ZYG11A: variants seen among roughly 807,000 people sequenced by gnomAD.
The protein encoded by ZYG11A is protein zyg-11 homolog A.
In ZYG11A, 62 loss-of-function variants were observed where a neutral mutation model predicts 77.2. The observed-to-expected ratio is 0.80, with a 90% CI of 0.65 to 0.99. ZYG11A has a LOEUF of 0.99. ZYG11A is among the 50% of genes least tolerant of loss of function. ZYG11A has a pLI of 0.00. For synonymous variants in ZYG11A, 315 were observed against 324.6 expected (o/e 0.97, Z 0.32); for missense variants, 828 against 896.8 (o/e 0.92, Z 0.98).
At chr1:52,857,859 A>AG in intron 3 of ZYG11A, 110 bp downstream of exon 3, 1 of 902,752 alleles carries the variant, frequency 1.1e-6, no homozygotes, top group Non-Finnish European at 1.6e-6. Flanking sequence ...CAGATAAAAA[A>AG]ATCCTTAAAG....
At chr1:52,849,556 T>C (rs995428329) in intron 1 of ZYG11A, among the ~76,000 whole-genome samples, 1 of 151,538 alleles carries the variant, frequency 6.6e-6, no homozygotes, top group African/African-American at 2.4e-5. Flanking sequence ...TTAGTAGAGA[T>C]GGAGTTTCAC....
At chr1:52,854,968 G>A (rs982529825) in intron 2 of ZYG11A, among the ~76,000 whole-genome samples, 1 of 151,952 alleles carries the variant, frequency 6.6e-6, no homozygotes, top group African/African-American at 2.4e-5. Flanking sequence ...GGGTTTAAGC[G>A]ATTCTCCTGC....
At chr1:52,875,862 T>G (rs4578160) in intron 8 of ZYG11A, among the ~76,000 whole-genome samples, 12,338 of 150,496 alleles carry the variant, frequency 0.082, 863 homozygotes, top group African/African-American at 0.22. Context: ...ATGAAAAAGA[T>G]GAAATCAAAT....
rs1646594191 is a variant in ZYG11A, at chr1:52,894,548, ATAAAAG to A, written c.*1596_*1601del. On this transcript the variant is annotated 3_prime_UTR_variant, in exon 14 of 14. Coordinates refer to ENST00000371528, the MANE Select transcript of ZYG11A (RefSeq NM_001004339.3). ...TTTATCTGTTTAAGTTTTTCAGAAA[ATAAAAG>A]TAAATTTCTGTTAGCACATTTTAGG... 1 of 152,210 alleles carries A rather than the reference ATAAAAG, an allele frequency of 6.6e-6. No individual in the cohort carries two copies. The highest frequency in any genetic ancestry group is 6.5e-5 in the Admixed American group (1 of 15,282). 9.4% of individuals were successfully genotyped at this position (152,210 alleles called of 1,614,324 possible).
intron 10 of ZYG11A, among the ~76,000 whole-genome samples, chr1:52,879,972 G>C (rs973043227): frequency 6.6e-6 from 1 of 150,884 alleles, no homozygotes; most frequent in African/African-American, 2.4e-5. Context: ...CACCATGTTA[G>C]CCAGGATGGT....
chr1:52,856,868 T>A (rs756792259), intron 2 of ZYG11A, 130 bp from the exon 3 acceptor site: 1 of 970,208 alleles, frequency 1.0e-6, no homozygotes, highest in Non-Finnish European at 1.5e-6. Context: ...TTTAGAACAA[T>A]GCTAGCACAG....
chr1:52,854,411 T>C, intron 1 of ZYG11A, 54 bp from the exon 2 acceptor site: 2 of 1,470,564 alleles, frequency 1.4e-6, no homozygotes. Context: ...CAGTTTTATG[T>C]TGAATTGTTG....
chr1:52,843,688 CTTTTTT>C (rs71044427), intron 1 of ZYG11A, among the ~76,000 whole-genome samples: 1 of 130,516 alleles, frequency 7.7e-6, no homozygotes, highest in Admixed American at 7.8e-5. Flanking sequence ...TTCTTTCTTT[CTTTTTT>C]TTTTTTTTTT....
intron 8 of ZYG11A, 90 bp downstream of exon 8, chr1:52,867,867 G>T: frequency 3.7e-6 from 4 of 1,086,594 alleles, no homozygotes; most frequent in Middle Eastern, 2.4e-4. Flanking sequence ...ATTCCAAAAG[G>T]CCTATTAAGG....
At position 52,857,405 on chromosome 1, in the gene ZYG11A, G is replaced by A. The variant is rs779082585; in HGVS notation, c.664G>A (p.Ala222Thr). Residue 222 changes from alanine to threonine, a missense_variant, in exon 3 of 14, where the codon GCA (alanine) becomes ACA (threonine). Transcript: ENST00000371528. The part of the protein sequence containing the change: ...ISNTLVTDIS[A>T]LLTCKDRLKS... ...TAATACTCTAGTCACTGATATTTCTGCACTGCTTACCTGTAAGGATCGATT... is the reference window on the plus strand; with the variant it reads ...TAATACTCTAGTCACTGATATTTCTACACTGCTTACCTGTAAGGATCGATT... The A allele has an allele frequency of 2.6e-5, 40 of 1,551,880 alleles. No homozygotes were observed. The highest frequency in any genetic ancestry group is 3.5e-5 in the Non-Finnish European group (40 of 1,147,036).
chr1:52,874,284 C>G (rs1646223464), intron 8 of ZYG11A, among the ~76,000 whole-genome samples: 1 of 152,036 alleles, frequency 6.6e-6, no homozygotes, highest in East Asian at 1.9e-4. Flanking sequence ...TTCTCTGTTG[C>G]CCAGGCTGGA....
In ZYG11A at chr1:52,860,806, G is replaced by A. The variant is rs1404710722; in HGVS notation, c.1084G>A (p.Glu362Lys). 21 of 1,551,692 alleles carry A rather than the reference G, an allele frequency of 1.4e-5. No individual in the cohort carries two copies. The highest frequency in any genetic ancestry group is 1.7e-5 in the Non-Finnish European group (19 of 1,146,964). The change falls in exon 4 of 14, where the codon GAA becomes AAA. Residue 362 changes from glutamate (E) to lysine (K), a missense_variant. Transcript: ENST00000371528. ...CAGGAACAGATCATGTTTTGTGAAGGAAGCCCTCCACAGGCTGTTCACAGA... is the reference window on the plus strand; with the variant it reads ...CAGGAACAGATCATGTTTTGTGAAGAAAGCCCTCCACAGGCTGTTCACAGA... The part of the protein sequence containing the change: ...RYRNRSCFVK[E>K]ALHRLFTETF...
intron 1 of ZYG11A, among the ~76,000 whole-genome samples, chr1:52,844,760 C>A (rs946068980): frequency 6.6e-6 from 1 of 151,806 alleles, no homozygotes; most frequent in Non-Finnish European, 1.5e-5. Flanking sequence ...AGCCACCGTG[C>A]CCGGCCAGCA....
Position 52,877,771 on chromosome 1 carries a change from A to G in ZYG11A, c.1632A>G (p.Thr544=). 3.2e-6 allele frequency: 5 copies of G among 1,552,014 alleles called. No homozygotes were observed. The highest frequency in any genetic ancestry group is 4.4e-6 in the Non-Finnish European group (5 of 1,147,044). The change falls in exon 9 of 14, where the codon ACA becomes ACG. Residue 544 remains threonine (T), a synonymous_variant. Coordinates refer to ENST00000371528, the MANE Select transcript of ZYG11A (RefSeq NM_001004339.3). ...LFTLKALWNL[T]DGSPAACKHF... Reference sequence around the variant, plus strand: ...CTTTGAAAGCACTTTGGAATCTTACAGATGGGTCTCCAGCTGCCTGCAAGC... The same window carrying G: ...CTTTGAAAGCACTTTGGAATCTTACGGATGGGTCTCCAGCTGCCTGCAAGC...
intron 1 of ZYG11A, among the ~76,000 whole-genome samples, chr1:52,847,833 C>CTAAT (rs1200680863): frequency 2.1e-4 from 25 of 117,582 alleles, no homozygotes; most frequent in South Asian, 1.5e-3. Flanking sequence ...CCACGCCTTG[C>CTAAT]TAATTTATTT....
chr1:52,870,129 C>T (rs1646126478), intron 8 of ZYG11A, among the ~76,000 whole-genome samples: 1 of 147,246 alleles, frequency 6.8e-6, no homozygotes, highest in Non-Finnish European at 1.5e-5. Flanking sequence ...AGAGGCTCTC[C>T]CCACATCTCA....
intron 10 of ZYG11A, among the ~76,000 whole-genome samples, chr1:52,879,091 C>T (rs1162284076): frequency 6.6e-6 from 1 of 151,478 alleles, no homozygotes; most frequent in East Asian, 1.9e-4. Flanking sequence ...TTTGTTGATA[C>T]TTATGTACTG....
intron 1 of ZYG11A, among the ~76,000 whole-genome samples, chr1:52,848,151 G>C (rs993734266): frequency 1.3e-5 from 2 of 152,114 alleles, no homozygotes; most frequent in Non-Finnish European, 2.9e-5. Flanking sequence ...TTACAGGCGT[G>C]AGCCACCATG....
rs1646586678 is a variant in ZYG11A at position 52,893,999 on chromosome 1, G to A, written c.*1042G>A. 1 of 151,812 alleles carries A rather than the reference G, an allele frequency of 6.6e-6. No individual in the cohort carries two copies. Among genetic ancestry groups the A allele is most frequent in the South Asian group, 2.1e-4 (1 of 4,776 alleles). 9.4% of individuals were successfully genotyped at this position (151,812 alleles called of 1,614,324 possible). The stretch of plus-strand genomic sequence containing the variant: ...GCTAATTTTTGTATTTTTTAGTAGA[G>A]ACAGGGTTTCACCATATTGGTCAGG... On this transcript the variant is annotated 3_prime_UTR_variant, in exon 14 of 14. Coordinates refer to ENST00000371528, the MANE Select transcript of ZYG11A (RefSeq NM_001004339.3).
Sources: gnomAD v4.1 joint callset for allele counts (sites outside exome capture counted in the v4.1 genomes callset) on GRCh38, gnomAD v4.1.1 for gene constraint, MANE v1.5 for transcripts, NCBI Gene and HGNC (gene_info 2026-07-23, HGNC 2026-07-21) for gene names.